TTC9: variants seen among roughly 807,000 people sequenced by gnomAD.
The protein encoded by TTC9 is tetratricopeptide repeat protein 9A.
In TTC9, 13 loss-of-function variants were observed where a neutral mutation model predicts 22.9. That is an observed-to-expected ratio of 0.57 (90% confidence interval 0.37 to 0.90). The LOEUF (loss-of-function observed/expected upper bound fraction) is 0.90. TTC9 is among the 40% of genes least tolerant of loss of function. TTC9 has a pLI of 0.01. For missense variants in TTC9, 280 were observed against 291.8 expected (o/e 0.96, Z 0.29); for synonymous variants, 148 against 133.2 (o/e 1.11, Z -0.77).
At chr14:70,666,308 T>G (rs2139650208) in intron 1 of TTC9, among the ~76,000 whole-genome samples, 1 of 152,130 alleles carries the variant, frequency 6.6e-6, no homozygotes, top group Admixed American at 6.5e-5. Context: ...ATGGGGAAGC[T>G]CTCCACCATG....
At chr14:70,654,320 G>T (rs918931812) in intron 1 of TTC9, among the ~76,000 whole-genome samples, 2 of 152,044 alleles carry the variant, frequency 1.3e-5, no homozygotes, top group African/African-American at 4.8e-5. Context: ...CCCGGGAGTG[G>T]TGGCTTATGC....
chr14:70,642,624 T>C (rs1025123692), intron 1 of TTC9, 89 bp downstream of exon 1: 2 of 1,266,536 alleles, frequency 1.6e-6, no homozygotes, highest in Non-Finnish European at 1.1e-6. Flanking sequence ...CGGTGCAGAT[T>C]CTCCTGCTGT....
In TTC9 at chr14:70,672,957, G is replaced by C. The variant is rs960002706; in HGVS notation, c.*1802G>C. The C allele has an allele frequency of 6.6e-6, 1 of 152,192 alleles. No homozygotes were observed. The allele number at this position is 152,192 out of a possible 1,614,324, so 9.4% of individuals were successfully genotyped here. A position where few individuals can be genotyped will look rare whatever the true frequency, so the allele number is the denominator to read the frequency against. On this transcript the variant is annotated 3_prime_UTR_variant, in exon 3 of 3. Coordinates refer to ENST00000256367, the MANE Select transcript of TTC9 (RefSeq NM_015351.2). ...TAACCATTTGAGAACAGGACAATAT[G>C]TATTAACCTGAAAAGTGTTCATGAT...
At position 70,650,864 on chromosome 14, in the gene TTC9, T is replaced by C. The variant is rs183254188; in HGVS notation, c.406+8329T>C. On this transcript the variant is annotated intron_variant, in intron 1 of 2. Transcript: ENST00000256367. The stretch of plus-strand genomic sequence containing the variant: ...ATTTTAATAAGAGAATAAACATATA[T>C]GCTAGTACAGTGTTCGCATTCAAGA... Among the ~76,000 whole-genome samples, 11 of 152,354 alleles carry C rather than the reference T, an allele frequency of 7.2e-5. No homozygotes were observed. The East Asian group carries it at 2.1e-3, about 29-fold the overall frequency.
intron 1 of TTC9, among the ~76,000 whole-genome samples, chr14:70,664,691 T>C (rs1340184952): frequency 1.3e-5 from 2 of 148,870 alleles, no homozygotes; most frequent in Non-Finnish European, 3.0e-5. Flanking sequence ...ATCGCACCAC[T>C]GCACTCCAGC....
intron 1 of TTC9, 116 bp downstream of exon 1, chr14:70,642,651 G>A: frequency 1.0e-6 from 1 of 989,770 alleles, no homozygotes; most frequent in Non-Finnish European, 1.4e-6. Context: ...GTTGCTCTGG[G>A]GAGAACCCGG....
chr14:70,667,157 T>C (rs543206683), intron 1 of TTC9, among the ~76,000 whole-genome samples: 21 of 152,244 alleles, frequency 1.4e-4, no homozygotes, highest in Non-Finnish European at 2.8e-4. Flanking sequence ...TGTGTGTGTC[T>C]GTCTTTGTGT....
At chr14:70,660,074 G>A (rs994240729) in intron 1 of TTC9, among the ~76,000 whole-genome samples, 38 of 152,342 alleles carry the variant, frequency 2.5e-4, no homozygotes, top group African/African-American at 8.7e-4. Flanking sequence ...AGGATGGATG[G>A]ATACTGTCCA....
chr14:70,659,132 G>GCACACACACACACACA (rs71105721), intron 1 of TTC9, among the ~76,000 whole-genome samples: 7 of 144,226 alleles, frequency 4.9e-5, no homozygotes, highest in Admixed American at 1.4e-4. Flanking sequence ...ACACACACAC[G>GCACACACACACACACA]CACACACACA....
chr14:70,647,345 T>C (rs1885917540), intron 1 of TTC9, among the ~76,000 whole-genome samples: 2 of 152,252 alleles, frequency 1.3e-5, no homozygotes, highest in South Asian at 4.1e-4. Context: ...TCCACCAGGC[T>C]TTCAGATGAG....
intron 1 of TTC9, among the ~76,000 whole-genome samples, chr14:70,650,858 C>CAT (rs1885974559): frequency 6.6e-6 from 1 of 152,116 alleles, no homozygotes; most frequent in Admixed American, 6.6e-5. Flanking sequence ...AGAGAATAAA[C>CAT]ATATATGCTA....
intron 1 of TTC9, among the ~76,000 whole-genome samples, chr14:70,666,300 G>A (rs1017853573): frequency 6.6e-6 from 1 of 152,140 alleles, no homozygotes; most frequent in African/African-American, 2.4e-5. Context: ...TTTGTGGGAT[G>A]GGGAAGCTCT....
chr14:70,665,566 T>C (rs1006621887), intron 1 of TTC9, among the ~76,000 whole-genome samples: 2 of 152,198 alleles, frequency 1.3e-5, no homozygotes, highest in South Asian at 2.1e-4. Flanking sequence ...TAGCAGCCTG[T>C]TGCTTCTGTT....
Position 70,664,504 on chromosome 14 carries a change from T to TCCCTG in TTC9, c.407-3059_407-3058insCCTGC, listed in dbSNP as rs553971114. Among the ~76,000 whole-genome samples the TCCCTG allele has an allele frequency of 2.0e-5, 3 of 152,164 alleles. No individual in the cohort carries two copies. In the East Asian group the frequency reaches 5.8e-4, roughly 29 times the overall value. On this transcript the variant is annotated intron_variant, in intron 1 of 2. Transcript: ENST00000256367. ...ACTTTGGGAGGCTGAGGCAGGCAGA[T>TCCCTG]CACCAGAGGTCAGGAGTTCGAGACC...
chr14:70,648,191 T>G (rs1885930618), intron 1 of TTC9, among the ~76,000 whole-genome samples: 1 of 152,194 alleles, frequency 6.6e-6, no homozygotes, highest in South Asian at 2.1e-4. Flanking sequence ...CTTGACTGGC[T>G]AAGCTGTTGT....
intron 1 of TTC9, among the ~76,000 whole-genome samples, chr14:70,663,751 C>T (rs1033082745): frequency 5.9e-5 from 9 of 152,194 alleles, no homozygotes; most frequent in South Asian, 2.1e-4. Context: ...CCCACTGCCC[C>T]GCCCAGTGCC....
intron 1 of TTC9, among the ~76,000 whole-genome samples, chr14:70,645,497 A>G (rs536926849): frequency 6.6e-6 from 1 of 152,244 alleles, no homozygotes; most frequent in African/African-American, 2.4e-5. Context: ...CATTTCATGA[A>G]AATATTTTCA....
chr14:70,660,130 T>C (rs1320862584), intron 1 of TTC9, among the ~76,000 whole-genome samples: 4 of 152,230 alleles, frequency 2.6e-5, no homozygotes, highest in Non-Finnish European at 5.9e-5. Flanking sequence ...CAGCACCTCA[T>C]CCTTCTGCTC....
rs942618969 is a variant in TTC9, at chr14:70,673,099, T to A, written c.*1944T>A. The A allele has an allele frequency of 6.6e-6, 1 of 152,180 alleles. No homozygotes were observed. Among genetic ancestry groups the A allele is most frequent in the South Asian group, 2.1e-4 (1 of 4,830 alleles). 9.4% of individuals were successfully genotyped at this position (152,180 alleles called of 1,614,324 possible). On this transcript the variant is annotated 3_prime_UTR_variant, in exon 3 of 3. Transcript: ENST00000256367. ...TCAGAAAAAGGCAGCTGAGGTCCAA[T>A]AGTTATGTCTGTGTATTGCTCATTC...
Sources: gnomAD v4.1 joint callset for allele counts (sites outside exome capture counted in the v4.1 genomes callset) on GRCh38, gnomAD v4.1.1 for gene constraint, MANE v1.5 for transcripts, NCBI Gene and HGNC (gene_info 2026-07-23, HGNC 2026-07-21) for gene names.